The following LIN52 variants were observed in gnomAD, a reference collection of about 807,000 sequenced individuals.
LIN52 encodes protein lin-52 homolog.
LIN52 carries 4 observed loss-of-function variants against 18.5 expected under a neutral mutation model. That is an observed-to-expected ratio of 0.22 (90% confidence interval 0.11 to 0.49). LIN52 has a LOEUF of 0.49. Among genes scored for constraint, LIN52 ranks in the 20% least tolerant of loss-of-function variants. LIN52 has a pLI of 0.97. For missense variants in LIN52, 102 were observed against 139.5 expected (o/e 0.73, Z 1.35); for synonymous variants, 34 against 45.5 (o/e 0.75, Z 1.02).
intron 5 of LIN52, among the ~76,000 whole-genome samples, chr14:74,115,258 A>G (rs1013181941): frequency 2.0e-5 from 3 of 152,232 alleles, no homozygotes; most frequent in African/African-American, 7.2e-5. Context: ...CCTTGCTAAT[A>G]ACAAGTATTA....
chr14:74,145,482 TATGGAATCCTTACATAATCA>T (rs2061149707), intron 5 of LIN52, among the ~76,000 whole-genome samples: 1 of 152,220 alleles, frequency 6.6e-6, no homozygotes, highest in Non-Finnish European at 1.5e-5. Context: ...AAAGATTCTC[TATGGAATCCTTACATAATCA>T]AGGATGTACC....
At chr14:74,171,650 G>A (rs2061270935) in intron 5 of LIN52, among the ~76,000 whole-genome samples, 1 of 151,122 alleles carries the variant, frequency 6.6e-6, no homozygotes, top group Non-Finnish European at 1.5e-5. Flanking sequence ...TATAAGCAAA[G>A]TCAGAACTTA....
chr14:74,186,436 G>A (rs1336424892), intron 5 of LIN52, among the ~76,000 whole-genome samples: 2 of 151,978 alleles, frequency 1.3e-5, no homozygotes, highest in Non-Finnish European at 1.5e-5. Context: ...ACAGCAAGAG[G>A]TTCTGCAGAA....
chr14:74,140,364 G>T (rs1389996503), intron 5 of LIN52, among the ~76,000 whole-genome samples: 1 of 152,138 alleles, frequency 6.6e-6, no homozygotes, highest in Non-Finnish European at 1.5e-5. Flanking sequence ...GTCTTGGAAA[G>T]AGTCTGTTTA....
At chr14:74,156,832 TA>T (rs2061200822) in intron 5 of LIN52, among the ~76,000 whole-genome samples, 1 of 152,152 alleles carries the variant, frequency 6.6e-6, no homozygotes, top group African/African-American at 2.4e-5. Flanking sequence ...CAGTAACCAC[TA>T]TTCTACTCTG....
At chr14:74,114,684 C>G (rs563275985) in intron 5 of LIN52, among the ~76,000 whole-genome samples, 37 of 152,200 alleles carry the variant, frequency 2.4e-4, no homozygotes, top group Admixed American at 9.2e-4. Context: ...AAGTAAATGT[C>G]ATTTGTAGAG....
In LIN52 at chr14:74,199,003, G is replaced by A. The variant is rs1345286758; in HGVS notation, c.*26G>A. The A allele has an allele frequency of 3.2e-6, 5 of 1,581,188 alleles. No individual in the cohort carries two copies. Among genetic ancestry groups the A allele is most frequent in the African/African-American group, 1.3e-5 (1 of 74,322 alleles). On this transcript the variant is annotated 3_prime_UTR_variant, in exon 6 of 6. Transcript: ENST00000555028. The stretch of plus-strand genomic sequence containing the variant: ...CAGCTGCTTGCGGACAGGATGTCCT[G>A]GGGTCCGAAACCAAGCTCCCTTCCC...
chr14:74,179,904 T>G (rs1435845442), intron 5 of LIN52, among the ~76,000 whole-genome samples: 1 of 152,150 alleles, frequency 6.6e-6, no homozygotes, highest in Non-Finnish European at 1.5e-5. Context: ...TTTTCAGACT[T>G]TAGCATGAGT....
chr14:74,137,880 T>C (rs2061107445), intron 5 of LIN52, among the ~76,000 whole-genome samples: 1 of 152,198 alleles, frequency 6.6e-6, no homozygotes, highest in South Asian at 2.1e-4. Flanking sequence ...CATTTTCTTC[T>C]AGAATATTGA....
chr14:74,158,105 C>CTA (rs1015989772), intron 5 of LIN52, among the ~76,000 whole-genome samples: 125 of 92,782 alleles, frequency 1.3e-3, no homozygotes, highest in Admixed American at 3.9e-3. Context: ...ATCATCACTG[C>CTA]TATATATATA....
At chr14:74,123,772 A>G (rs2061012470) in intron 5 of LIN52, among the ~76,000 whole-genome samples, 1 of 152,180 alleles carries the variant, frequency 6.6e-6, no homozygotes, top group African/African-American at 2.4e-5. Flanking sequence ...TTAAGTTACC[A>G]AAAGACCATG....
In LIN52 at chr14:74,094,440, G is replaced by C. The variant is rs967920818; in HGVS notation, c.95-1508G>C. ...ACAACCAGCTATTTAAAAAATTTTG[G>C]GGGGGACAAGATCTCACTGTGTTGC... is the stretch of plus-strand genomic sequence containing the variant. On this transcript the variant is annotated intron_variant, in intron 2 of 5. Transcript: ENST00000555028. 4.0e-5 allele frequency among the ~76,000 whole-genome samples: 6 copies of C among 151,818 alleles called. No homozygotes were observed. The East Asian group carries it at 7.8e-4, about 20-fold the overall frequency.
intron 5 of LIN52, among the ~76,000 whole-genome samples, chr14:74,186,725 G>A (rs1048799772): frequency 3.3e-5 from 5 of 152,010 alleles, no homozygotes; most frequent in South Asian, 2.1e-4. Context: ...AAGGCCAGGC[G>A]TGGTGGCTCA....
At chr14:74,136,460 TG>T (rs1297159346) in intron 5 of LIN52, among the ~76,000 whole-genome samples, 5 of 152,054 alleles carry the variant, frequency 3.3e-5, no homozygotes, top group Admixed American at 2.0e-4. Flanking sequence ...GTTTGAAAGG[TG>T]GGGAAAGTAT....
intron 5 of LIN52, among the ~76,000 whole-genome samples, chr14:74,124,139 A>G (rs2139927541): frequency 6.6e-6 from 1 of 152,326 alleles, no homozygotes; most frequent in African/African-American, 2.4e-5. Flanking sequence ...TGGAATCAAA[A>G]AAGAATTGAG....
At chr14:74,098,425 A>G (rs138799846) in intron 4 of LIN52, among the ~76,000 whole-genome samples, 102 of 151,420 alleles carry the variant, frequency 6.7e-4, no homozygotes, top group Non-Finnish European at 1.3e-3. Context: ...AGGCTGAGTC[A>G]GGAGAATCAC....
At chr14:74,113,579 G>C (rs1321061064) in intron 5 of LIN52, among the ~76,000 whole-genome samples, 1 of 152,098 alleles carries the variant, frequency 6.6e-6, no homozygotes, top group Non-Finnish European at 1.5e-5. Context: ...ACTAAGACTA[G>C]GAAGGAGATA....
intron 1 of LIN52, among the ~76,000 whole-genome samples, chr14:74,088,928 G>A (rs948267280): frequency 4.0e-4 from 61 of 152,330 alleles, no homozygotes; most frequent in African/African-American, 1.4e-3. Flanking sequence ...GAATTAGGTA[G>A]AGGCTGAGTA....
chr14:74,146,985 A>G (rs575953528), intron 5 of LIN52, among the ~76,000 whole-genome samples: 1 of 152,296 alleles, frequency 6.6e-6, no homozygotes, highest in South Asian at 2.1e-4. Flanking sequence ...GAGGCCAGGC[A>G]TGGTGGCTCA....
Sources: allele counts gnomAD v4.1 joint callset (sites outside exome capture counted in the v4.1 genomes callset), GRCh38; gene constraint gnomAD v4.1.1; transcripts MANE v1.5; gene names NCBI Gene and HGNC (gene_info 2026-07-23, HGNC 2026-07-21).